Variants in ZRANB3 observed in about 807,000 individuals in gnomAD.
ZRANB3 encodes zinc finger RANBP2-type containing 3, also known as DNA annealing helicase and endonuclease ZRANB3.
In ZRANB3, 125 loss-of-function variants were observed where a neutral mutation model predicts 133.8. That is an observed-to-expected ratio of 0.93 (90% CI 0.81 to 1.08). The LOEUF is 1.08. Ranked by LOEUF, ZRANB3 falls within the 50% of genes least tolerant of loss-of-function variation. ZRANB3 has a pLI of 0.00. For synonymous variants in ZRANB3, 387 were observed against 432.7 expected (o/e 0.89, Z 1.31); for missense variants, 1,229 against 1,275.5 (o/e 0.96, Z 0.56).
At chr2:135,418,163 T>A (rs760295147) in intron 2 of ZRANB3, among the ~76,000 whole-genome samples, 1 of 151,910 alleles carries the variant, frequency 6.6e-6, no homozygotes, top group Non-Finnish European at 1.5e-5. Context: ...AAATAAAAAA[T>A]ACAGTATAAC....
intron 8 of ZRANB3, among the ~76,000 whole-genome samples, chr2:135,277,214 A>T (rs1680868334): frequency 6.6e-6 from 1 of 152,244 alleles, no homozygotes; most frequent in Non-Finnish European, 1.5e-5. Flanking sequence ...GAGCAGAATC[A>T]TATAAAGTGA....
At chr2:135,296,980 C>T (rs1163381414) in intron 8 of ZRANB3, among the ~76,000 whole-genome samples, 2 of 152,176 alleles carry the variant, frequency 1.3e-5, no homozygotes, top group African/African-American at 2.4e-5. Context: ...GGTGTCAGTC[C>T]GCCCCTACTG....
At chr2:135,306,860 C>A (rs114162466) in intron 8 of ZRANB3, among the ~76,000 whole-genome samples, 1 of 151,790 alleles carries the variant, frequency 6.6e-6, no homozygotes, top group Non-Finnish European at 1.5e-5. Context: ...AAAGTGCTGG[C>A]GTTACAGGCA....
intron 2 of ZRANB3, among the ~76,000 whole-genome samples, chr2:135,415,908 C>T (rs571286107): frequency 1.3e-5 from 2 of 152,078 alleles, no homozygotes; most frequent in South Asian, 4.2e-4. Flanking sequence ...AATTCAACAA[C>T]CCTTCATGCT....
intron 1 of ZRANB3, among the ~76,000 whole-genome samples, chr2:135,527,828 T>C (rs1416734980): frequency 6.6e-6 from 1 of 152,236 alleles, no homozygotes; most frequent in Non-Finnish European, 1.5e-5. Context: ...GACAGAGATA[T>C]GTGTAAACAG....
intron 2 of ZRANB3, among the ~76,000 whole-genome samples, chr2:135,415,936 T>C (rs1688548138): frequency 6.6e-6 from 1 of 151,884 alleles, no homozygotes. Context: ...CTCAATAAAT[T>C]AGGTATTGAT....
chr2:135,371,696 A>C (rs770860963), intron 3 of ZRANB3, among the ~76,000 whole-genome samples: 8 of 152,212 alleles, frequency 5.3e-5, no homozygotes, highest in Non-Finnish European at 8.8e-5. Flanking sequence ...TAGAAAACCA[A>C]GAATACTCTA....
intron 11 of ZRANB3, among the ~76,000 whole-genome samples, chr2:135,268,159 T>C (rs1003259383): frequency 2.1e-5 from 3 of 140,006 alleles, no homozygotes; most frequent in Admixed American, 6.9e-5. Flanking sequence ...AATCTAACCC[T>C]TTTTTTTTTC....
chr2:135,306,311 G>A (rs376133943), intron 8 of ZRANB3, among the ~76,000 whole-genome samples: 100 of 139,896 alleles, frequency 7.1e-4, no homozygotes, highest in African/African-American at 2.3e-3. Flanking sequence ...TTTCTGAGGT[G>A]GAGTCTCACT....
At chr2:135,403,048 T>A (rs1257042813) in intron 2 of ZRANB3, among the ~76,000 whole-genome samples, 1 of 152,134 alleles carries the variant, frequency 6.6e-6, no homozygotes, top group Non-Finnish European at 1.5e-5. Flanking sequence ...ACGGGTGATT[T>A]CTGCATTTCC....
chr2:135,331,644 G>C (rs1225716964), intron 6 of ZRANB3, among the ~76,000 whole-genome samples: 1 of 152,084 alleles, frequency 6.6e-6, no homozygotes, highest in East Asian at 1.9e-4. Context: ...ATTGACAGTG[G>C]GGTGTTAAAA....
rs535828077 is a variant in ZRANB3 at position 135,233,575 on chromosome 2, T to TCAGACTAACAGCGGATCTCTTGG, written c.1540-2671_1540-2649dup. Among the ~76,000 whole-genome samples the TCAGACTAACAGCGGATCTCTTGG allele has an allele frequency of 1.3e-3, 202 of 152,294 alleles. 2 individuals carry two copies. The highest frequency in any genetic ancestry group is 4.3e-3 in the African/African-American group (179 of 41,566). ...CGGGTTACCCACAAAGGGAAGCCCA[T>TCAGACTAACAGCGGATCTCTTGG]CAGACTAACAGCGGATCTCTTGGCA... On this transcript the variant is annotated intron_variant, in intron 12 of 20. Transcript: ENST00000264159.
At chr2:135,511,338 G>A in intron 1 of ZRANB3, 1 of 853,390 alleles carries the variant, frequency 1.2e-6, no homozygotes, top group East Asian at 2.4e-5. Flanking sequence ...TTCTTGTTCT[G>A]GTTCTGGCTC....
chr2:135,458,582 A>T (rs1358637035), intron 2 of ZRANB3, among the ~76,000 whole-genome samples: 1 of 152,132 alleles, frequency 6.6e-6, no homozygotes, highest in Admixed American at 6.5e-5. Flanking sequence ...TACTTCAGGG[A>T]CACTGAACTC....
intron 2 of ZRANB3, among the ~76,000 whole-genome samples, chr2:135,471,514 G>T (rs1691268580): frequency 2.0e-5 from 3 of 152,104 alleles, no homozygotes; most frequent in Non-Finnish European, 4.4e-5. Context: ...GAGATGTTAA[G>T]AAAATATATA....
chr2:135,237,342 G>C (rs1365131135), intron 12 of ZRANB3, among the ~76,000 whole-genome samples: 1 of 151,576 alleles, frequency 6.6e-6, no homozygotes, highest in Admixed American at 6.6e-5. Flanking sequence ...CACTGTTGGT[G>C]GGACTGTAAA....
At chr2:135,364,896 A>C (rs191737357) in intron 3 of ZRANB3, among the ~76,000 whole-genome samples, 416 of 152,200 alleles carry the variant, frequency 2.7e-3, no homozygotes, top group Non-Finnish European at 3.9e-3. Context: ...TAAAAATACA[A>C]AAATTAGCCG....
chr2:135,400,730 G>A (rs898814191), intron 2 of ZRANB3, among the ~76,000 whole-genome samples: 17 of 152,264 alleles, frequency 1.1e-4, no homozygotes, highest in African/African-American at 3.4e-4. Context: ...AGGCTTTACA[G>A]GTCATGCATG....
intron 2 of ZRANB3, among the ~76,000 whole-genome samples, chr2:135,401,371 G>A (rs772532938): frequency 2.0e-5 from 3 of 152,134 alleles, no homozygotes; most frequent in Non-Finnish European, 2.9e-5. Context: ...TGATGAAGAT[G>A]GCTATAGTGC....
Sources: allele counts gnomAD v4.1 joint callset (sites outside exome capture counted in the v4.1 genomes callset), GRCh38; gene constraint gnomAD v4.1.1; transcripts MANE v1.5; gene names NCBI Gene and HGNC (gene_info 2026-07-23, HGNC 2026-07-21).